Variants in PID1 observed in about 807,000 individuals in gnomAD.
PID1 encodes the protein phosphotyrosine interaction domain containing 1.
Under a neutral mutation model 19.1 loss-of-function variants are expected in PID1, and 10 were observed. That is an observed-to-expected ratio of 0.52 (90% CI 0.32 to 0.89). The LOEUF is 0.89. Among genes scored for constraint, PID1 ranks in the 40% least tolerant of loss-of-function variants. The pLI, the probability that PID1 is intolerant of heterozygous loss-of-function variation, is 0.03. For missense variants in PID1, 248 were observed against 285.3 expected (o/e 0.87, Z 0.94); for synonymous variants, 130 against 116.0 (o/e 1.12, Z -0.78).
chr2:229,046,552 T>C (rs1574582398), intron 2 of PID1, among the ~76,000 whole-genome samples: 2 of 152,162 alleles, frequency 1.3e-5, no homozygotes, highest in South Asian at 4.2e-4. Context: ...TTTCTTAGTT[T>C]ACCTTAATTT....
intron 1 of PID1, among the ~76,000 whole-genome samples, chr2:229,193,915 T>C (rs1691317100): frequency 6.6e-6 from 1 of 152,098 alleles, no homozygotes; most frequent in African/African-American, 2.4e-5. Flanking sequence ...CATATGTTAT[T>C]TTCAAAATGG....
chr2:229,051,633 A>G (rs1204305482), intron 2 of PID1, among the ~76,000 whole-genome samples: 1 of 152,160 alleles, frequency 6.6e-6, no homozygotes, highest in East Asian at 1.9e-4. Flanking sequence ...CCACCACACC[A>G]TGGACTTTTT....
chr2:229,038,827 A>G (rs1221358354), intron 2 of PID1, among the ~76,000 whole-genome samples: 1 of 152,178 alleles, frequency 6.6e-6, no homozygotes, highest in Non-Finnish European at 1.5e-5. Flanking sequence ...GTCTAATCTT[A>G]TTGTCAACTT....
At chr2:229,162,305 G>T (rs1690507049) in intron 1 of PID1, among the ~76,000 whole-genome samples, 1 of 152,190 alleles carries the variant, frequency 6.6e-6, no homozygotes, top group Non-Finnish European at 1.5e-5. Context: ...TGACAGTTTA[G>T]CAAGTGGCAA....
chr2:229,102,652 G>T (rs1695096810), intron 2 of PID1, among the ~76,000 whole-genome samples: 1 of 152,164 alleles, frequency 6.6e-6, no homozygotes, highest in South Asian at 2.1e-4. Context: ...CAGAGTGAGG[G>T]CTCATTCTCA....
intron 1 of PID1, among the ~76,000 whole-genome samples, chr2:229,191,100 C>T (rs1172810265): frequency 6.6e-6 from 1 of 152,108 alleles, no homozygotes; most frequent in Non-Finnish European, 1.5e-5. Flanking sequence ...CTCAGTACTA[C>T]TGAAATTTGG....
intron 2 of PID1, among the ~76,000 whole-genome samples, chr2:229,047,515 G>A (rs968432513): frequency 2.0e-5 from 3 of 152,146 alleles, no homozygotes; most frequent in African/African-American, 7.2e-5. Context: ...TCACCAGGTA[G>A]TTATATTATA....
intron 2 of PID1, among the ~76,000 whole-genome samples, chr2:229,046,090 C>T (rs891150485): frequency 1.3e-5 from 2 of 152,120 alleles, no homozygotes; most frequent in African/African-American, 2.4e-5. Context: ...TGCAGCGTCT[C>T]ACATATTCCA....
intron 1 of PID1, among the ~76,000 whole-genome samples, chr2:229,229,780 C>T (rs1479272988): frequency 1.3e-5 from 2 of 152,196 alleles, no homozygotes; most frequent in African/African-American, 2.4e-5. Context: ...ATCTCCCACC[C>T]GTCTTCTCCC....
chr2:229,264,170 G>C (rs1690534695), intron 1 of PID1, among the ~76,000 whole-genome samples: 1 of 152,156 alleles, frequency 6.6e-6, no homozygotes, highest in South Asian at 2.1e-4. Flanking sequence ...TCTAGCTGTG[G>C]ATAGTTGGGA....
chr2:229,172,099 A>G (rs781546801), intron 1 of PID1, among the ~76,000 whole-genome samples: 27 of 152,298 alleles, frequency 1.8e-4, no homozygotes, highest in Non-Finnish European at 2.6e-4. Context: ...AACAGCAGAA[A>G]GGGCTCCTTC....
At chr2:229,148,253 G>C (rs1176466280) in intron 2 of PID1, among the ~76,000 whole-genome samples, 1 of 152,198 alleles carries the variant, frequency 6.6e-6, no homozygotes, top group Non-Finnish European at 1.5e-5. Context: ...TTGTAAGTTT[G>C]GACCTGCGGT....
At chr2:229,124,691 T>C (rs1176203797) in intron 2 of PID1, among the ~76,000 whole-genome samples, 1 of 152,170 alleles carries the variant, frequency 6.6e-6, no homozygotes, top group African/African-American at 2.4e-5. Flanking sequence ...AAAAAAACTT[T>C]AAGTCAAAAT....
At chr2:229,180,045 A>C (rs1690906749) in intron 1 of PID1, among the ~76,000 whole-genome samples, 1 of 152,174 alleles carries the variant, frequency 6.6e-6, no homozygotes, top group Non-Finnish European at 1.5e-5. Flanking sequence ...AGTTCGAATA[A>C]ATGCCAATAA....
chr2:229,049,697 T>C lies in PID1; in HGVS notation c.178-23589A>G, dbSNP rs529708435. 3.9e-5 allele frequency among the ~76,000 whole-genome samples: 6 copies of C among 152,248 alleles called. No homozygotes were observed. In the South Asian group the frequency reaches 1.2e-3, roughly 32 times the overall value. ...GTTTCACAGCTCAGAAATCTAGAGG[T>C]TAACCTCTTTGCACTCAGAAGACCA... On this transcript the variant is annotated intron_variant, in intron 2 of 2. Transcript: ENST00000392055.
At chr2:229,058,823 AC>A (rs1694155786) in intron 2 of PID1, among the ~76,000 whole-genome samples, 1 of 152,016 alleles carries the variant, frequency 6.6e-6, no homozygotes, top group Non-Finnish European at 1.5e-5. Flanking sequence ...ATATTTGTCA[AC>A]CATGAAATAT....
At chr2:229,270,643 CAAAAAAAAAAA>C (rs368188721) in intron 1 of PID1, among the ~76,000 whole-genome samples, 22 of 116,380 alleles carry the variant, frequency 1.9e-4, no homozygotes, top group South Asian at 3.0e-4. Flanking sequence ...CTGGTGACCA[CAAAAAAAAAAA>C]AAAAAAAAAA....
At chr2:229,197,150 A>G (rs1357482622) in intron 1 of PID1, among the ~76,000 whole-genome samples, 1 of 152,096 alleles carries the variant, frequency 6.6e-6, no homozygotes, top group Non-Finnish European at 1.5e-5. Flanking sequence ...ATAACAAATA[A>G]TACTATGAGA....
chr2:229,228,223 C>A (rs989872632), intron 1 of PID1, among the ~76,000 whole-genome samples: 1 of 152,158 alleles, frequency 6.6e-6, no homozygotes, highest in Admixed American at 6.6e-5. Context: ...GAACTTGTGT[C>A]CCTACTTGTT....
Sources: allele counts gnomAD v4.1 joint callset (sites outside exome capture counted in the v4.1 genomes callset), GRCh38; gene constraint gnomAD v4.1.1; transcripts MANE v1.5; gene names NCBI Gene and HGNC (gene_info 2026-07-23, HGNC 2026-07-21).